The following WLS variants were observed in gnomAD, a reference collection of about 807,000 sequenced individuals.
The protein encoded by WLS is Wnt ligand secretion mediator, also known as protein wntless homolog.
In WLS, 23 loss-of-function variants were observed where a neutral mutation model predicts 62.8. That is an observed-to-expected ratio of 0.37 (90% CI 0.26 to 0.52). The LOEUF (loss-of-function observed/expected upper bound fraction) is 0.52. WLS is among the 20% of genes least tolerant of loss of function. The pLI, the probability that WLS is intolerant of heterozygous loss-of-function variation, is 0.92. For synonymous variants in WLS, 246 were observed against 244.1 expected, an observed-to-expected ratio of 1.01 and a Z score of -0.07; for missense variants, 615 against 697.3, an observed-to-expected ratio of 0.88 and a Z score of 1.33.
chr1:68,134,564 T>C lies in WLS; in HGVS notation c.1516+3216A>G, dbSNP rs112611436. Among the ~76,000 whole-genome samples, 1,363 of 152,330 alleles carry C rather than the reference T, an allele frequency of 8.9e-3. 9 individuals carry two copies. Among genetic ancestry groups the C allele is most frequent in the Non-Finnish European group, 0.014 (966 of 68,038 alleles). On this transcript the variant is annotated intron_variant, in intron 11 of 11. Coordinates refer to ENST00000262348, the MANE Select transcript of WLS (RefSeq NM_024911.7). Reference sequence around the variant, plus strand: ...TGGCATTTCACAGGCAGGACATTTCTTTATGACATGAGCCTTGTTTTGCCT... The same window carrying C: ...TGGCATTTCACAGGCAGGACATTTCCTTATGACATGAGCCTTGTTTTGCCT...
intron 11 of WLS, among the ~76,000 whole-genome samples, chr1:68,112,135 T>G (rs1360420454): frequency 6.6e-6 from 1 of 152,214 alleles, no homozygotes; most frequent in Non-Finnish European, 1.5e-5. Context: ...CAGATGTCTT[T>G]GTGGACAGAG....
intron 11 of WLS, among the ~76,000 whole-genome samples, chr1:68,137,198 C>A (rs1230089229): frequency 2.0e-5 from 3 of 152,182 alleles, no homozygotes. Context: ...TCTAAGGCTA[C>A]TTGCAGCATC....
At chr1:68,163,580 T>TCCCCCCCCCCCCCCCCCCCC (rs1647017551) in intron 2 of WLS, among the ~76,000 whole-genome samples, 1 of 54,234 alleles carries the variant, frequency 1.8e-5, no homozygotes, top group Non-Finnish European at 3.8e-5. Flanking sequence ...TCCCCCTCCC[T>TCCCCCCCCCCCCCCCCCCCC]CCCTCCGCTA....
At chr1:68,103,664 G>A (rs190738491) in intron 11 of WLS, among the ~76,000 whole-genome samples, 129 of 152,240 alleles carry the variant, frequency 8.5e-4, no homozygotes, top group Non-Finnish European at 1.4e-3. Flanking sequence ...GGAGAAGCAA[G>A]GTATTTGGGA....
intron 1 of WLS, among the ~76,000 whole-genome samples, chr1:68,218,370 C>T (rs1254274214): frequency 2.0e-5 from 3 of 152,012 alleles, no homozygotes; most frequent in African/African-American, 7.2e-5. Flanking sequence ...AACAAGAAAT[C>T]GTACATCCAA....
chr1:68,108,034 A>G (rs1646171564), intron 11 of WLS, among the ~76,000 whole-genome samples: 1 of 152,220 alleles, frequency 6.6e-6, no homozygotes, highest in Non-Finnish European at 1.5e-5. Flanking sequence ...TCTTGAATCA[A>G]TAGGTCTTTT....
intron 1 of WLS, among the ~76,000 whole-genome samples, chr1:68,223,489 T>C (rs189561499): frequency 1.7e-4 from 26 of 152,262 alleles, no homozygotes; most frequent in Admixed American, 3.9e-4. Context: ...AAAGAATGGA[T>C]AATAAACAGT....
chr1:68,129,207 C>G (rs559260641), intron 11 of WLS, among the ~76,000 whole-genome samples: 1 of 152,082 alleles, frequency 6.6e-6, no homozygotes, highest in Non-Finnish European at 1.5e-5. Context: ...GCCTGTAAGT[C>G]CCAGCTACTC....
intron 7 of WLS, 74 bp from the exon 8 acceptor site, chr1:68,148,273 T>C (rs1196029097): frequency 1.3e-6 from 2 of 1,502,310 alleles, no homozygotes; most frequent in African/African-American, 2.8e-5. Context: ...TTTCACATAT[T>C]CTTAGCTTTT....
intron 11 of WLS, among the ~76,000 whole-genome samples, chr1:68,127,896 CTTGGCTGG>C (rs1035808504): frequency 3.3e-5 from 5 of 152,160 alleles, no homozygotes; most frequent in African/African-American, 9.7e-5. Context: ...CAGCAGGCTG[CTTGGCTGG>C]TTCCCTTCAC....
rs1646430886 is a variant in WLS at position 68,126,337 on chromosome 1, T to C, written c.1517-2A>G. The C allele has an allele frequency of 6.2e-7, 1 of 1,613,884 alleles. No individual in the cohort carries two copies. The highest frequency in any genetic ancestry group is 8.5e-7 in the Non-Finnish European group (1 of 1,179,994). ...CCCCACTATGGACACCCAGATCGCC[T>C]GAAACAGGGTTTTCGGTGTTAGATG... On this transcript the variant is annotated splice_acceptor_variant, in intron 11 of 11. Coordinates refer to ENST00000262348, the MANE Select transcript of WLS (RefSeq NM_024911.7). LOFTEE classifies it high-confidence loss of function.
At chr1:68,119,888 A>C (rs1292020760) in intron 11 of WLS, among the ~76,000 whole-genome samples, 4 of 152,170 alleles carry the variant, frequency 2.6e-5, no homozygotes, top group African/African-American at 9.7e-5. Context: ...GTTCACTTTC[A>C]ATCTCTCAGC....
In WLS at chr1:68,106,744, G is replaced by A. The variant is rs865885464; in HGVS notation, c.1511-7991C>T. On this transcript the variant is annotated intron_variant, in intron 11 of 11. Transcript: ENST00000354777. ...TGTGTGTGTGTGTGTGTGTGTGTGT[G>A]TGTGTGTATGTGTGGGTAGGTGGGT... Among the ~76,000 whole-genome samples the A allele has an allele frequency of 1.6e-3, 239 of 149,596 alleles. 2 individuals are homozygous for A. Among genetic ancestry groups the A allele is most frequent in the African/African-American group, 5.9e-3 (234 of 39,658 alleles).
In WLS at chr1:68,125,718, CAG is replaced by C. The variant is rs1557457814; in HGVS notation, c.*506_*507del. On this transcript the variant is annotated 3_prime_UTR_variant, in exon 12 of 12. Transcript: ENST00000262348. The stretch of plus-strand genomic sequence containing the variant: ...TCTATTGACAACTTAAATATTAACT[CAG>C]TGGGCTACCTGGTGATATAAATAGG... 1.0e-6 allele frequency: 1 copy of C among 986,076 alleles called. No homozygotes were observed. Among genetic ancestry groups the C allele is most frequent in the East Asian group, 1.1e-4 (1 of 8,848 alleles). 61.1% of individuals were successfully genotyped at this position (986,076 alleles called of 1,614,324 possible).
At chr1:68,125,118 G>A (rs1422584463), downstream of WLS, among the ~76,000 whole-genome samples, 4 of 152,136 alleles carry the variant, frequency 2.6e-5, no homozygotes, top group South Asian at 4.1e-4. Flanking sequence ...GGCAGAGGAC[G>A]GCTCTGCTTC....
intron 1 of WLS, among the ~76,000 whole-genome samples, chr1:68,207,783 G>A (rs976155994): frequency 4.6e-5 from 7 of 152,150 alleles, no homozygotes; most frequent in Non-Finnish European, 7.4e-5. Flanking sequence ...AAAGGTACTC[G>A]CCTCCTAAAT....
At chr1:68,133,128 A>G (rs2100407778) in intron 11 of WLS, among the ~76,000 whole-genome samples, 1 of 152,276 alleles carries the variant, frequency 6.6e-6, no homozygotes, top group Non-Finnish European at 1.5e-5. Flanking sequence ...TAACTAAAAT[A>G]TCTTTGCTAA....
chr1:68,215,313 G>T (rs952618075), intron 1 of WLS, among the ~76,000 whole-genome samples: 5 of 152,092 alleles, frequency 3.3e-5, no homozygotes, highest in African/African-American at 1.2e-4. Flanking sequence ...GAACAACCAC[G>T]CAAGTCATAT....
In WLS at chr1:68,159,122, C is replaced by T; in HGVS notation, c.504+1G>A. ...TCAGCTTAGACAGCAAGGGGTCATA[C>T]CTTGGGAGATGTGAAGGTGCATTTG... On this transcript the variant is annotated splice_donor_variant, in intron 3 of 11. Coordinates refer to ENST00000262348, the MANE Select transcript of WLS (RefSeq NM_024911.7). LOFTEE classifies it high-confidence loss of function. 6.2e-7 allele frequency: 1 copy of T among 1,613,888 alleles called. No individual in the cohort carries two copies. Among genetic ancestry groups the T allele is most frequent in the South Asian group, 1.1e-5 (1 of 91,046 alleles).
Sources: gnomAD v4.1 joint callset for allele counts (sites outside exome capture counted in the v4.1 genomes callset) on GRCh38, gnomAD v4.1.1 for gene constraint, MANE v1.5 for transcripts, NCBI Gene and HGNC (gene_info 2026-07-23, HGNC 2026-07-21) for gene names.